Variants in GRM8 observed in about 807,000 individuals in gnomAD.
The protein encoded by GRM8 is metabotropic glutamate receptor 8.
Under a neutral mutation model 87.2 loss-of-function variants are expected in GRM8, and 47 were observed. The ratio of observed to expected loss-of-function variants is 0.54; its 90% CI spans 0.43 to 0.69. The LOEUF (loss-of-function observed/expected upper bound fraction) is 0.69. Ranked by LOEUF, GRM8 falls within the 30% of genes least tolerant of loss-of-function variation. GRM8 has a pLI of 0.00. For synonymous variants in GRM8, 396 were observed against 404.5 expected, an observed-to-expected ratio of 0.98 and a Z score of 0.25; for missense variants, 1,019 against 1,139.2, an observed-to-expected ratio of 0.89 and a Z score of 1.52.
rs528384145 is a variant in GRM8, at chr7:126,487,124, T to C, written c.2431-40752A>G. ...TTAGTGTTCTTTTCAAAGCAAAGTGTTATTGAGGAGTGGCTTCTTTTTTTA... is the reference window on the plus strand; with the variant it reads ...TTAGTGTTCTTTTCAAAGCAAAGTGCTATTGAGGAGTGGCTTCTTTTTTTA... On this transcript the variant is annotated intron_variant, in intron 9 of 10. Coordinates refer to ENST00000339582, the MANE Select transcript of GRM8 (RefSeq NM_000845.3). Among the ~76,000 whole-genome samples, 12 of 152,206 alleles carry C rather than the reference T, an allele frequency of 7.9e-5. No homozygotes were observed. The South Asian group carries it at 2.1e-3, about 26-fold the overall frequency.
At chr7:126,717,873 A>G (rs2299498) in intron 7 of GRM8, among the ~76,000 whole-genome samples, 36,299 of 151,994 alleles carry the variant, frequency 0.24, 4,628 homozygotes, top group East Asian at 0.35. Context: ...GCTTATTTCT[A>G]GGAGTAACTC....
At chr7:126,543,652 CA>C (rs913846743) in intron 8 of GRM8, among the ~76,000 whole-genome samples, 43 of 152,198 alleles carry the variant, frequency 2.8e-4, no homozygotes, top group African/African-American at 1.0e-3. Flanking sequence ...GTTTGTGAGC[CA>C]AGTGTGCCTA....
chr7:126,903,731 ATG>A lies in GRM8; in HGVS notation c.1018+239_1018+240del, dbSNP rs879860808. On this transcript the variant is annotated intron_variant, in intron 5 of 10. Coordinates refer to ENST00000339582, the MANE Select transcript of GRM8 (RefSeq NM_000845.3). ...TGTATATGTGTATATATATATGTAT[ATG>A]TGTATATATATATGTATATGTGTAT... 1.1e-3 allele frequency among the ~76,000 whole-genome samples: 151 copies of A among 132,032 alleles called. 3 individuals are homozygous for A. The highest frequency in any genetic ancestry group is 1.3e-3 in the Non-Finnish European group (82 of 63,192). 86.6% of individuals were successfully genotyped at this position (132,032 alleles called of 152,430 possible). A position where few individuals can be genotyped will look rare whatever the true frequency, so the allele number is the denominator to read the frequency against.
intron 2 of GRM8, among the ~76,000 whole-genome samples, chr7:127,192,556 C>T (rs1177649046): frequency 2.0e-5 from 3 of 152,136 alleles, no homozygotes; most frequent in African/African-American, 7.2e-5. Context: ...TCTCAGGGAG[C>T]CCATCAGGGC....
intron 2 of GRM8, among the ~76,000 whole-genome samples, chr7:127,176,565 C>G (rs776027737): frequency 6.6e-6 from 1 of 152,170 alleles, no homozygotes; most frequent in Non-Finnish European, 1.5e-5. Context: ...ACTGCAATTA[C>G]AAACCAAAAA....
chr7:127,112,614 C>G (rs577186602), intron 2 of GRM8, among the ~76,000 whole-genome samples: 8 of 152,172 alleles, frequency 5.3e-5, no homozygotes, highest in Non-Finnish European at 1.2e-4. Context: ...AAACACCACC[C>G]ATTTCCAATA....
chr7:126,458,656 A>T (rs1486754306), intron 9 of GRM8, among the ~76,000 whole-genome samples: 1 of 151,300 alleles, frequency 6.6e-6, no homozygotes, highest in Non-Finnish European at 1.5e-5. Context: ...TAAAACATAA[A>T]TGAGCTTCAC....
chr7:126,888,512 G>A (rs1800705289), intron 6 of GRM8, among the ~76,000 whole-genome samples: 1 of 152,062 alleles, frequency 6.6e-6, no homozygotes, highest in Non-Finnish European at 1.5e-5. Context: ...CTTCTCTAAT[G>A]TCCTCTGGTT....
At chr7:126,567,910 C>A (rs1053882234) in intron 8 of GRM8, among the ~76,000 whole-genome samples, 2 of 152,058 alleles carry the variant, frequency 1.3e-5, no homozygotes, top group African/African-American at 2.4e-5. Context: ...AAGGGGTAAG[C>A]TTCAGAGAGG....
chr7:126,912,843 A>T (rs1444558608), intron 3 of GRM8, among the ~76,000 whole-genome samples: 2 of 152,220 alleles, frequency 1.3e-5, no homozygotes, highest in Non-Finnish European at 2.9e-5. Flanking sequence ...TAAGGCAAAT[A>T]ATTAATAGAA....
intron 3 of GRM8, among the ~76,000 whole-genome samples, chr7:127,006,261 A>T (rs1327166452): frequency 6.6e-6 from 1 of 151,810 alleles, no homozygotes; most frequent in Non-Finnish European, 1.5e-5. Flanking sequence ...AACATTTAAG[A>T]ACTTTGCAAC....
At chr7:126,950,120 T>A (rs1016279491) in intron 3 of GRM8, among the ~76,000 whole-genome samples, 1 of 152,196 alleles carries the variant, frequency 6.6e-6, no homozygotes, top group Non-Finnish European at 1.5e-5. Context: ...TTACAAAATA[T>A]ATAGCTGGTT....
intron 8 of GRM8, among the ~76,000 whole-genome samples, chr7:126,542,952 T>C (rs1210979221): frequency 6.6e-6 from 1 of 152,130 alleles, no homozygotes; most frequent in East Asian, 1.9e-4. Context: ...ACAACAGAGA[T>C]CATGGTAGAG....
chr7:126,649,676 C>T (rs1016228181), intron 7 of GRM8, among the ~76,000 whole-genome samples: 7 of 152,150 alleles, frequency 4.6e-5, no homozygotes, highest in Non-Finnish European at 8.8e-5. Context: ...CCTCCTACAA[C>T]CAAGAAAGAG....
intron 7 of GRM8, among the ~76,000 whole-genome samples, chr7:126,660,692 G>A (rs554333548): frequency 9.2e-5 from 14 of 152,192 alleles, no homozygotes; most frequent in East Asian, 3.9e-4. Context: ...GCAATTATCC[G>A]TCCTTAATTA....
chr7:126,679,081 C>T (rs1807279353), intron 7 of GRM8, among the ~76,000 whole-genome samples: 1 of 152,126 alleles, frequency 6.6e-6, no homozygotes, highest in Non-Finnish European at 1.5e-5. Flanking sequence ...GCTTGACCTC[C>T]CTTATTAATT....
At chr7:126,562,883 G>A (rs1437825949) in intron 8 of GRM8, among the ~76,000 whole-genome samples, 3 of 152,130 alleles carry the variant, frequency 2.0e-5, no homozygotes, top group African/African-American at 7.2e-5. Flanking sequence ...GGCAACAAGA[G>A]CAAAACTCCA....
chr7:126,941,572 A>G (rs1806941818), intron 3 of GRM8, among the ~76,000 whole-genome samples: 1 of 151,632 alleles, frequency 6.6e-6, no homozygotes, highest in East Asian at 1.9e-4. Context: ...GTGAGCGGAG[A>G]TCGCACCACT....
intron 1 of GRM8, among the ~76,000 whole-genome samples, chr7:127,249,000 T>G (rs1412074514): frequency 6.6e-6 from 1 of 152,196 alleles, no homozygotes; most frequent in Non-Finnish European, 1.5e-5. Context: ...AATCTCCTGT[T>G]GTGAAAACAA....
Sources: allele counts gnomAD v4.1 joint callset (sites outside exome capture counted in the v4.1 genomes callset), GRCh38; gene constraint gnomAD v4.1.1; transcripts MANE v1.5; gene names NCBI Gene and HGNC (gene_info 2026-07-23, HGNC 2026-07-21).